DLEU7: variants seen among roughly 807,000 people sequenced by gnomAD.
DLEU7 encodes leukemia-associated protein 7.
DLEU7 carries 17 observed loss-of-function variants against 16.0 expected under a neutral mutation model. The ratio of observed to expected loss-of-function variants is 1.06; its 90% CI spans 0.73 to 1.59. DLEU7 has a LOEUF of 1.59. Ranked by LOEUF, DLEU7 falls within the 40% of genes most tolerant of loss-of-function variation. The pLI is 0.00. For missense variants in DLEU7, 308 were observed against 314.9 expected (o/e 0.98, Z 0.17); for synonymous variants, 113 against 139.8 (o/e 0.81, Z 1.35).
At chr13:50,812,710 AC>A (rs1876605681) in intron 1 of DLEU7, among the ~76,000 whole-genome samples, 1 of 151,966 alleles carries the variant, frequency 6.6e-6, no homozygotes, top group Non-Finnish European at 1.5e-5. Flanking sequence ...GTGAATAGTT[AC>A]ATATAGCTAT....
intron 1 of DLEU7, among the ~76,000 whole-genome samples, chr13:50,751,781 T>G (rs1874571175): frequency 6.6e-6 from 1 of 152,216 alleles, no homozygotes; most frequent in African/African-American, 2.4e-5. Flanking sequence ...TTATAATATC[T>G]CCCATTTCGT....
intron 1 of DLEU7, among the ~76,000 whole-genome samples, chr13:50,783,165 A>G (rs1875702954): frequency 6.6e-6 from 1 of 152,198 alleles, no homozygotes; most frequent in Non-Finnish European, 1.5e-5. Context: ...CAGGGGGCCC[A>G]GCAGGGCTGA....
At chr13:50,784,530 A>G (rs1008580387) in intron 1 of DLEU7, among the ~76,000 whole-genome samples, 5 of 152,238 alleles carry the variant, frequency 3.3e-5, no homozygotes, top group African/African-American at 1.2e-4. Flanking sequence ...GTGCCCCCAG[A>G]TAATGGACAT....
chr13:50,768,769 G>A (rs1593388093), intron 1 of DLEU7, among the ~76,000 whole-genome samples: 1 of 152,328 alleles, frequency 6.6e-6, no homozygotes, highest in Non-Finnish European at 1.5e-5. Flanking sequence ...CTTTATAGCA[G>A]CATGATTTAT....
chr13:50,822,787 G>A (rs1876953688), downstream of DLEU7: 7 of 985,626 alleles, frequency 7.1e-6, no homozygotes, highest in Non-Finnish European at 7.2e-6. Context: ...ATTAATGTCA[G>A]GATTGAAGCT....
chr13:50,835,335 C>T (rs370517997), intron 1 of DLEU7, among the ~76,000 whole-genome samples: 13 of 152,156 alleles, frequency 8.5e-5, no homozygotes, highest in East Asian at 5.8e-4. Context: ...GTAGCTGCTC[C>T]GGTGGGGTGA....
chr13:50,788,384 C>T (rs1240666584), intron 1 of DLEU7, among the ~76,000 whole-genome samples: 5 of 152,176 alleles, frequency 3.3e-5, no homozygotes, highest in Admixed American at 3.3e-4. Flanking sequence ...TTCCCCCAGA[C>T]CCTCCTGTGC....
chr13:50,756,970 G>A (rs928587322), intron 1 of DLEU7, among the ~76,000 whole-genome samples: 1 of 152,138 alleles, frequency 6.6e-6, no homozygotes, highest in African/African-American at 2.4e-5. Flanking sequence ...AACTTCTCCC[G>A]CAAATTAAGC....
chr13:50,714,580 A>G (rs2706229), intron 1 of DLEU7, among the ~76,000 whole-genome samples: 18,699 of 152,182 alleles, frequency 0.12, 1,393 homozygotes, highest in African/African-American at 0.21. Context: ...GACCAAAAAA[A>G]TGGTCCAATA....
At chr13:50,715,340 A>G (rs1280649466) in intron 1 of DLEU7, 1 of 152,240 alleles carries the variant, frequency 6.6e-6, no homozygotes, top group Non-Finnish European at 1.5e-5. Context: ...TTGCCGTGTA[A>G]TGTAAGCTAT....
chr13:50,838,017 G>A (rs990298642), intron 1 of DLEU7, among the ~76,000 whole-genome samples: 12 of 152,220 alleles, frequency 7.9e-5, no homozygotes, highest in Admixed American at 6.5e-4. Flanking sequence ...TAAGGAGAGA[G>A]AAAATTGATA....
chr13:50,730,755 C>G (rs934168612), intron 1 of DLEU7, among the ~76,000 whole-genome samples: 2 of 151,980 alleles, frequency 1.3e-5, no homozygotes, highest in East Asian at 3.9e-4. Context: ...ATTCTGCATC[C>G]CAAGATTACC....
chr13:50,788,503 T>C (rs1875857554), intron 1 of DLEU7, among the ~76,000 whole-genome samples: 1 of 152,110 alleles, frequency 6.6e-6, no homozygotes, highest in African/African-American at 2.4e-5. Context: ...TCGAGGACAC[T>C]CTAAATACTG....
intron 1 of DLEU7, among the ~76,000 whole-genome samples, chr13:50,760,604 C>A (rs1874899246): frequency 6.6e-6 from 1 of 152,194 alleles, no homozygotes; most frequent in Admixed American, 6.5e-5. Flanking sequence ...CTCAAGTGAT[C>A]CTTCTGCCGT....
intron 1 of DLEU7, among the ~76,000 whole-genome samples, chr13:50,841,737 CAAA>C (rs200036592): frequency 0.25 from 25,885 of 104,590 alleles, 2,353 homozygotes; most frequent in East Asian, 0.36. Flanking sequence ...GACCTTGTCT[CAAA>C]AAAAAAAAAA....
At chr13:50,815,269 T>G (rs569124059) in intron 1 of DLEU7, among the ~76,000 whole-genome samples, 1 of 152,300 alleles carries the variant, frequency 6.6e-6, no homozygotes, top group South Asian at 2.1e-4. Context: ...AATCATTACT[T>G]ACAATTGCAC....
At chr13:50,798,569 C>T (rs1876161728) in intron 1 of DLEU7, among the ~76,000 whole-genome samples, 1 of 152,138 alleles carries the variant, frequency 6.6e-6, no homozygotes. Flanking sequence ...ATCATGTGTG[C>T]AGGGCCTTGT....
chr13:50,797,265 G>A (rs1876131430), intron 1 of DLEU7, among the ~76,000 whole-genome samples: 1 of 152,156 alleles, frequency 6.6e-6, no homozygotes, highest in Admixed American at 6.5e-5. Flanking sequence ...CCAGTGGTAA[G>A]AATCACAGCC....
intron 1 of DLEU7, among the ~76,000 whole-genome samples, chr13:50,783,624 A>C (rs1402056132): frequency 1.3e-5 from 2 of 152,190 alleles, no homozygotes; most frequent in African/African-American, 2.4e-5. Context: ...TCCTGTGAGC[A>C]AAAGAAAGTA....
Sources: allele counts gnomAD v4.1 joint callset (sites outside exome capture counted in the v4.1 genomes callset), GRCh38; gene constraint gnomAD v4.1.1; transcripts MANE v1.5; gene names NCBI Gene and HGNC (gene_info 2026-07-23, HGNC 2026-07-21).